Variants in FGD6 observed in about 807,000 individuals in gnomAD.
FGD6 encodes FYVE, RhoGEF and PH domain containing 6.
In FGD6, 90 loss-of-function variants were observed where a neutral mutation model predicts 149.4. The observed-to-expected ratio is 0.60, with a 90% CI of 0.51 to 0.72. The LOEUF (loss-of-function observed/expected upper bound fraction) is 0.72, where lower values mean the gene tolerates loss of function less well. Ranked by LOEUF, FGD6 falls within the 30% of genes least tolerant of loss-of-function variation. FGD6 has a pLI of 0.00. For synonymous variants in FGD6, 527 were observed against 584.0 expected, an observed-to-expected ratio of 0.90 and a Z score of 1.41; for missense variants, 1,437 against 1,684.8, an observed-to-expected ratio of 0.85 and a Z score of 2.57.
intron 14 of FGD6, among the ~76,000 whole-genome samples, chr12:95,103,225 G>GT (rs1878506372): frequency 6.6e-6 from 1 of 152,212 alleles, no homozygotes; most frequent in East Asian, 1.9e-4. Flanking sequence ...CTGGCATACA[G>GT]TAAGTGTTAC....
chr12:95,160,186 T>G (rs546061793), intron 3 of FGD6, among the ~76,000 whole-genome samples: 1 of 151,944 alleles, frequency 6.6e-6, no homozygotes, highest in Non-Finnish European at 1.5e-5. Context: ...TTCTATTTTT[T>G]TTTTAATTAA....
At chr12:95,138,994 G>A (rs1301773987) in intron 6 of FGD6, among the ~76,000 whole-genome samples, 1 of 152,146 alleles carries the variant, frequency 6.6e-6, no homozygotes, top group East Asian at 1.9e-4. Flanking sequence ...GCACAGACTA[G>A]CACATAGTAG....
chr12:95,111,276 C>A (rs11107900), intron 9 of FGD6, among the ~76,000 whole-genome samples: 1 of 152,024 alleles, frequency 6.6e-6, no homozygotes, highest in African/African-American at 2.4e-5. Flanking sequence ...CCACCACGCC[C>A]GGCCACTGCT....
rs1268830227 is a variant in FGD6 at position 95,077,135 on chromosome 12, G to A, written c.*4385C>T. The A allele has an allele frequency of 6.6e-6, 1 of 152,150 alleles. No homozygotes were observed. The allele number at this position is 152,150 out of a possible 1,614,324, so 9.4% of individuals were successfully genotyped here. On this transcript the variant is annotated 3_prime_UTR_variant, in exon 21 of 21. Coordinates refer to ENST00000343958, the MANE Select transcript of FGD6 (RefSeq NM_018351.4). The stretch of plus-strand genomic sequence containing the variant: ...TCCTTTAGAAAATGACATTAAAAGT[G>A]GCATGAGCCCTAGAATGATATGTGT...
At chr12:95,190,246 T>C (rs1357504837) in intron 2 of FGD6, among the ~76,000 whole-genome samples, 1 of 152,196 alleles carries the variant, frequency 6.6e-6, no homozygotes, top group Non-Finnish European at 1.5e-5. Flanking sequence ...CTCGGCTCAC[T>C]GCAACCTCCG....
intron 8 of FGD6, among the ~76,000 whole-genome samples, chr12:95,119,888 C>T (rs1009359063): frequency 6.6e-6 from 1 of 152,034 alleles, no homozygotes; most frequent in Non-Finnish European, 1.5e-5. Flanking sequence ...CCACTGCACT[C>T]CAGCCTGGGT....
At chr12:95,093,732 C>A (rs1193446037) in intron 15 of FGD6, among the ~76,000 whole-genome samples, 1 of 151,760 alleles carries the variant, frequency 6.6e-6, no homozygotes. Flanking sequence ...GCCTGTAGTC[C>A]CAGCTACTTG....
At position 95,217,279 on chromosome 12, in the gene FGD6, A is replaced by C. The variant is rs773995708; in HGVS notation, c.-39T>G. 1.0e-5 allele frequency: 16 copies of C among 1,596,100 alleles called. No homozygotes were observed. Among genetic ancestry groups the C allele is most frequent in the Non-Finnish European group, 8.6e-7 (1 of 1,167,886 alleles). ...AGCTCGCTTCCCCGCTCGGCCCCTCAATCCATCTTCCCCTTTCAGTCCATT... is the reference window on the plus strand; with the variant it reads ...AGCTCGCTTCCCCGCTCGGCCCCTCCATCCATCTTCCCCTTTCAGTCCATT... On this transcript the variant is annotated 5_prime_UTR_variant, in exon 1 of 21. It adds an upstream start codon to the 5' untranslated region. Coordinates refer to ENST00000343958, the MANE Select transcript of FGD6 (RefSeq NM_018351.4).
chr12:95,104,678 A>C (rs1878550433), intron 14 of FGD6, among the ~76,000 whole-genome samples: 1 of 152,124 alleles, frequency 6.6e-6, no homozygotes, highest in African/African-American at 2.4e-5. Flanking sequence ...CCTGACCTCA[A>C]GTGATCTGCC....
At chr12:95,105,534 T>C (rs1170835817) in intron 13 of FGD6, among the ~76,000 whole-genome samples, 2 of 152,322 alleles carry the variant, frequency 1.3e-5, no homozygotes, top group African/African-American at 4.8e-5. Flanking sequence ...ACTTTATAGG[T>C]ATTTACGTGT....
intron 20 of FGD6, 127 bp from the exon 21 acceptor site, chr12:95,081,683 G>GTTTT: frequency 3.6e-6 from 1 of 279,270 alleles, no homozygotes; most frequent in Non-Finnish European, 6.1e-6. Context: ...ATATATATAT[G>GTTTT]TATTTTTTTT....
At chr12:95,151,365 G>A (rs190270539) in intron 5 of FGD6, among the ~76,000 whole-genome samples, 1 of 152,148 alleles carries the variant, frequency 6.6e-6, no homozygotes, top group African/African-American at 2.4e-5. Flanking sequence ...CTGCCTCCTG[G>A]GTTCAAGTGA....
chr12:95,208,579 C>T lies in FGD6; in HGVS notation c.2441+264G>A, dbSNP rs192719362. 1.8e-4 allele frequency among the ~76,000 whole-genome samples: 27 copies of T among 152,280 alleles called. No individual in the cohort carries two copies. In the East Asian group the frequency reaches 2.3e-3, roughly 13 times the overall value. On this transcript the variant is annotated intron_variant, in intron 2 of 20. Coordinates refer to ENST00000343958, the MANE Select transcript of FGD6 (RefSeq NM_018351.4). Reference sequence around the variant, plus strand: ...GGAGGCCCAGGACCTCTCTGTTCCACGCCTTCCTTGCAGCAGCACCTACAT... The same window carrying T: ...GGAGGCCCAGGACCTCTCTGTTCCATGCCTTCCTTGCAGCAGCACCTACAT...
chr12:95,092,501 G>A lies in FGD6; in HGVS notation c.3747+198C>T, dbSNP rs545940989. ...GTAACTCTGAAGTAGGAGGGTGGAAGTTCACTAAGAAGATTGCCCCTGCCC... is the reference window on the plus strand; with the variant it reads ...GTAACTCTGAAGTAGGAGGGTGGAAATTCACTAAGAAGATTGCCCCTGCCC... On this transcript the variant is annotated intron_variant, in intron 16 of 20. Transcript: ENST00000343958. Among the ~76,000 whole-genome samples, 122 of 152,172 alleles carry A rather than the reference G, an allele frequency of 8.0e-4. 1 individual carries two copies. Among genetic ancestry groups the A allele is most frequent in the African/African-American group, 2.6e-3 (108 of 41,540 alleles).
intron 2 of FGD6, among the ~76,000 whole-genome samples, chr12:95,203,453 C>G (rs2056672940): frequency 6.6e-6 from 1 of 152,152 alleles, no homozygotes; most frequent in African/African-American, 2.4e-5. Flanking sequence ...AAACAACCTC[C>G]TAAACACCAG....
intron 5 of FGD6, among the ~76,000 whole-genome samples, chr12:95,150,874 G>A (rs1474219852): frequency 1.3e-5 from 2 of 152,060 alleles, no homozygotes; most frequent in African/African-American, 4.8e-5. Flanking sequence ...GCTGAGGTGG[G>A]CAGATTGCTC....
intron 8 of FGD6, chr12:95,125,764 T>C (rs1454496354): frequency 8.5e-5 from 59 of 695,384 alleles, no homozygotes; most frequent in Non-Finnish European, 1.1e-4. Context: ...GCCAATATGG[T>C]GTTCAGGCAC....
chr12:95,093,935 G>A (rs1434540462), intron 15 of FGD6, among the ~76,000 whole-genome samples: 1 of 151,844 alleles, frequency 6.6e-6, no homozygotes, highest in African/African-American at 2.4e-5. Context: ...CGAGGCAGGC[G>A]GAAAACCAGA....
At chr12:95,152,905 A>T in intron 4 of FGD6, 21 bp downstream of exon 4, 1 of 1,613,790 alleles carries the variant, frequency 6.2e-7, no homozygotes, top group Non-Finnish European at 8.5e-7. Flanking sequence ...CAGTCTTCTG[A>T]ATTGTAAACT....
Sources: allele counts gnomAD v4.1 joint callset (sites outside exome capture counted in the v4.1 genomes callset), GRCh38; gene constraint gnomAD v4.1.1; transcripts MANE v1.5; gene names NCBI Gene and HGNC (gene_info 2026-07-23, HGNC 2026-07-21).